The following ATP6V1C2 variants were observed in gnomAD, a reference collection of about 807,000 sequenced individuals.
ATP6V1C2 encodes V-type proton ATPase subunit C 2.
In ATP6V1C2, 45 loss-of-function variants were observed where a neutral mutation model predicts 56.8. The observed-to-expected ratio is 0.79, with a 90% CI of 0.62 to 1.02. The LOEUF is 1.02. Ranked by LOEUF, ATP6V1C2 falls within the 50% of genes least tolerant of loss-of-function variation. ATP6V1C2 has a pLI of 0.00. For missense variants in ATP6V1C2, 463 were observed against 519.7 expected (o/e 0.89, Z 1.06); for synonymous variants, 220 against 201.3 (o/e 1.09, Z -0.79).
At chr2:10,724,936 A>T (rs1443431285) in intron 2 of ATP6V1C2, among the ~76,000 whole-genome samples, 2 of 152,012 alleles carry the variant, frequency 1.3e-5, no homozygotes, top group Non-Finnish European at 2.9e-5. Flanking sequence ...GGTGTGAGCC[A>T]CTGTGCCCAG....
intron 3 of ATP6V1C2, among the ~76,000 whole-genome samples, chr2:10,747,150 C>T (rs1417018198): frequency 6.6e-6 from 1 of 152,086 alleles, no homozygotes; most frequent in African/African-American, 2.4e-5. Flanking sequence ...TGCCTGTAAT[C>T]CCAGCTACTC....
intron 3 of ATP6V1C2, among the ~76,000 whole-genome samples, chr2:10,747,825 G>A (rs1663003190): frequency 6.6e-6 from 1 of 151,880 alleles, no homozygotes; most frequent in Non-Finnish European, 1.5e-5. Flanking sequence ...TATTTAAACT[G>A]GAACACTTAT....
At chr2:10,724,222 A>G (rs1299867613) in intron 2 of ATP6V1C2, among the ~76,000 whole-genome samples, 1 of 152,182 alleles carries the variant, frequency 6.6e-6, no homozygotes, top group Non-Finnish European at 1.5e-5. Flanking sequence ...GAAAACTGCC[A>G]TATACTCCCT....
chr2:10,772,807 A>T (rs1236598822), intron 8 of ATP6V1C2, among the ~76,000 whole-genome samples, 197 bp downstream of exon 8: 1 of 141,850 alleles, frequency 7.0e-6, no homozygotes, highest in Non-Finnish European at 1.6e-5. Context: ...CTCTTTCAAA[A>T]CTTCACTTCC....
intron 10 of ATP6V1C2, among the ~76,000 whole-genome samples, chr2:10,776,800 G>A (rs561678011): frequency 9.8e-5 from 15 of 152,286 alleles, no homozygotes; most frequent in South Asian, 4.1e-4. Context: ...GGAGCCTGCC[G>A]CCTGCCACGT....
At chr2:10,729,825 A>G (rs1000578944) in intron 3 of ATP6V1C2, among the ~76,000 whole-genome samples, 4 of 152,334 alleles carry the variant, frequency 2.6e-5, no homozygotes, top group South Asian at 2.1e-4. Context: ...ACTGCCCTCC[A>G]GCCTGGATGA....
chr2:10,774,033 T>C (rs1342045580), intron 8 of ATP6V1C2, among the ~76,000 whole-genome samples: 1 of 152,238 alleles, frequency 6.6e-6, no homozygotes, highest in Non-Finnish European at 1.5e-5. Flanking sequence ...CCGGGGATCC[T>C]TGACAGGGCC....
intron 3 of ATP6V1C2, among the ~76,000 whole-genome samples, chr2:10,728,587 C>A (rs1326257823): frequency 6.6e-6 from 1 of 151,968 alleles, no homozygotes; most frequent in East Asian, 1.9e-4. Flanking sequence ...CCAGCCTAGA[C>A]AACATAGCAA....
chr2:10,771,621 G>T (rs1664606803), intron 6 of ATP6V1C2, among the ~76,000 whole-genome samples: 1 of 152,184 alleles, frequency 6.6e-6, no homozygotes, highest in Admixed American at 6.5e-5. Flanking sequence ...GTCCCTGGAG[G>T]GGAGGAGGCA....
intron 8 of ATP6V1C2, among the ~76,000 whole-genome samples, chr2:10,773,381 C>T (rs1282510278): frequency 6.6e-6 from 1 of 152,084 alleles, no homozygotes; most frequent in African/African-American, 2.4e-5. Context: ...TGATCCAAAG[C>T]TGCGCGTTTT....
chr2:10,737,787 G>T (rs1245666795), intron 3 of ATP6V1C2, among the ~76,000 whole-genome samples: 1 of 152,132 alleles, frequency 6.6e-6, no homozygotes, highest in East Asian at 1.9e-4. Flanking sequence ...TTTGCCTTCC[G>T]GGTTCAAGCG....
intron 11 of ATP6V1C2, among the ~76,000 whole-genome samples, chr2:10,778,057 C>T (rs951931680): frequency 2.6e-5 from 4 of 151,928 alleles, no homozygotes; most frequent in Non-Finnish European, 5.9e-5. Flanking sequence ...CCACCCCTGA[C>T]CTTTGTGGGC....
chr2:10,741,709 TC>T (rs1662559907), intron 3 of ATP6V1C2, among the ~76,000 whole-genome samples: 1 of 4,414 alleles, frequency 2.3e-4, no homozygotes, highest in African/African-American at 2.5e-4. Flanking sequence ...CTTCTGGGCC[TC>T]TGTGCACTCC....
chr2:10,756,535 T>C (rs747670904), intron 4 of ATP6V1C2, among the ~76,000 whole-genome samples: 2 of 151,934 alleles, frequency 1.3e-5, no homozygotes, highest in Non-Finnish European at 2.9e-5. Context: ...CTGGCCAACA[T>C]GGTGAAATAC....
chr2:10,778,472 T>G, intron 11 of ATP6V1C2, 100 bp from the exon 12 acceptor site: 3 of 1,107,486 alleles, frequency 2.7e-6, no homozygotes, highest in South Asian at 2.7e-5. Flanking sequence ...GGGCACTTCT[T>G]CTCAGCTCAG....
At chr2:10,723,341 C>G (rs1661461732) in intron 2 of ATP6V1C2, among the ~76,000 whole-genome samples, 1 of 152,140 alleles carries the variant, frequency 6.6e-6, no homozygotes. Context: ...CTCAGAAGAC[C>G]CACCATATAG....
intron 3 of ATP6V1C2, among the ~76,000 whole-genome samples, chr2:10,739,240 G>A (rs1307919071): frequency 6.6e-6 from 1 of 152,074 alleles, no homozygotes; most frequent in Admixed American, 6.6e-5. Context: ...CCGAGATCTC[G>A]CCATGGCACT....
At chr2:10,723,783 G>A (rs1267029865) in intron 2 of ATP6V1C2, among the ~76,000 whole-genome samples, 1 of 149,202 alleles carries the variant, frequency 6.7e-6, no homozygotes, top group Non-Finnish European at 1.5e-5. Context: ...AGCTTGCAGT[G>A]AGCCGAGATT....
intron 3 of ATP6V1C2, among the ~76,000 whole-genome samples, chr2:10,728,921 G>A (rs988247416): frequency 3.4e-5 from 5 of 147,262 alleles, no homozygotes; most frequent in Middle Eastern, 3.3e-3. Context: ...GGTGGATCAC[G>A]AGGTGAAGAG....
Sources: gnomAD v4.1 joint callset for allele counts (sites outside exome capture counted in the v4.1 genomes callset) on GRCh38, gnomAD v4.1.1 for gene constraint, MANE v1.5 for transcripts, NCBI Gene and HGNC (gene_info 2026-07-23, HGNC 2026-07-21) for gene names.